The following STK17B variants were observed in gnomAD, a reference collection of about 807,000 sequenced individuals.
STK17B encodes serine/threonine-protein kinase 17B.
Under a neutral mutation model 42.0 loss-of-function variants are expected in STK17B, and 21 were observed. The ratio of observed to expected loss-of-function variants is 0.50; its 90% CI spans 0.35 to 0.72. STK17B has a LOEUF of 0.72. Ranked by LOEUF, STK17B falls within the 30% of genes least tolerant of loss-of-function variation. The pLI is 0.00. For missense variants in STK17B, 349 were observed against 446.0 expected, an observed-to-expected ratio of 0.78 and a Z score of 1.96; for synonymous variants, 143 against 148.4, an observed-to-expected ratio of 0.96 and a Z score of 0.26.
Position 196,137,736 on chromosome 2 carries a change from A to T in STK17B, c.837-7T>A. 1 of 1,597,176 alleles carries T rather than the reference A, an allele frequency of 6.3e-7. No homozygotes were observed. Among genetic ancestry groups the T allele is most frequent in the Admixed American group, 1.7e-5 (1 of 57,450 alleles). ...CTCTGCTGTTGGTCTTTTCCTTTGA[A>T]AGAAAGCACCAAGGGAAAATTGAGA... On this transcript the variant is annotated splice_region_variant and splice_polypyrimidine_tract_variant and intron_variant, in intron 7 of 7. Transcript: ENST00000263955.
chr2:196,162,414 C>CTTTTTT (rs57918319), intron 2 of STK17B, among the ~76,000 whole-genome samples: 1 of 130,926 alleles, frequency 7.6e-6, no homozygotes. Context: ...TCTTCTTCTT[C>CTTTTTT]TTTTTTTTTT....
intron 2 of STK17B, among the ~76,000 whole-genome samples, chr2:196,162,007 T>A (rs948524648): frequency 3.9e-4 from 59 of 152,192 alleles, no homozygotes; most frequent in Admixed American, 2.2e-3. Flanking sequence ...TTGCTGCACA[T>A]TTATCAACAC....
At chr2:196,141,370 A>G (rs1699491497) in intron 5 of STK17B, 73 bp from the exon 6 acceptor site, 1 of 1,264,634 alleles carries the variant, frequency 7.9e-7, no homozygotes, top group Non-Finnish European at 1.1e-6. Context: ...ATATTACGTT[A>G]TAACTGGGAC....
Position 196,156,589 on chromosome 2 carries a change from T to C in STK17B, c.185A>G (p.Lys62Arg). Residue 62 changes from lysine to arginine, a missense_variant, in exon 3 of 8, where the codon AAA becomes AGA. By Grantham distance (26) the Lys-to-Arg change is conservative. Coordinates refer to ENST00000263955, the MANE Select transcript of STK17B (RefSeq NM_004226.4). ...SKSTGQEYAA[K>R]FLKKRRRGQD... Reference sequence around the variant, plus strand: ...TCCTCTTCTTCTCTTTTTTAGAAATTTTGCAGCATATTCTTGGCCAGTAGA... The same window carrying C: ...TCCTCTTCTTCTCTTTTTTAGAAATCTTGCAGCATATTCTTGGCCAGTAGA... 1 of 1,614,052 alleles carries C rather than the reference T, an allele frequency of 6.2e-7. No individual in the cohort carries two copies. Among genetic ancestry groups the C allele is most frequent in the Non-Finnish European group, 8.5e-7 (1 of 1,179,988 alleles).
At chr2:196,155,653 A>G (rs1195760890) in intron 3 of STK17B, among the ~76,000 whole-genome samples, 1 of 152,234 alleles carries the variant, frequency 6.6e-6, no homozygotes, top group East Asian at 1.9e-4. Flanking sequence ...AAGGTATACT[A>G]AACATAAATC....
chr2:196,156,172 C>A (rs1453464930), intron 3 of STK17B: 2 of 254,910 alleles, frequency 7.8e-6, no homozygotes, highest in African/African-American at 4.4e-5. Context: ...ATCAATTAGC[C>A]ATTAAGAAAA....
chr2:196,172,817 G>A (rs1246051531), upstream of STK17B, among the ~76,000 whole-genome samples: 1 of 152,128 alleles, frequency 6.6e-6, no homozygotes, highest in African/African-American at 2.4e-5. Context: ...CTAAAGTTAG[G>A]ATGAAAATAA....
Position 196,156,466 on chromosome 2 carries a change from G to T in STK17B, c.308C>A (p.Thr103Lys). Residue 103 changes from threonine (T) to lysine (K), a missense_variant, in exon 3 of 8, where the codon ACA becomes AAA. Thr to Lys is a moderately conservative substitution (Grantham distance 78). Transcript: ENST00000263955. ...TTCCAATATCAAAATGATTTCACTT[G>T]TATTTTCATAGACCTCATGAAGATT... The part of the protein sequence containing the change: ...VINLHEVYEN[T>K]SEIILILEYA... The T allele has an allele frequency of 6.2e-7, 1 of 1,613,634 alleles. No individual in the cohort carries two copies. Among genetic ancestry groups the T allele is most frequent in the Non-Finnish European group, 8.5e-7 (1 of 1,179,808 alleles).
chr2:196,149,961 G>A (rs1699640665), intron 3 of STK17B, among the ~76,000 whole-genome samples: 1 of 152,076 alleles, frequency 6.6e-6, no homozygotes, highest in African/African-American at 2.4e-5. Context: ...GCTGACCAAT[G>A]TATTTCGTAG....
At chr2:196,147,546 T>C (rs956226378) in intron 3 of STK17B, among the ~76,000 whole-genome samples, 3 of 152,254 alleles carry the variant, frequency 2.0e-5, no homozygotes, top group African/African-American at 4.8e-5. Flanking sequence ...TAATTTGCAA[T>C]TGAGCAATCT....
intron 1 of STK17B, among the ~76,000 whole-genome samples, chr2:196,167,755 G>A (rs561376589): frequency 1.1e-4 from 17 of 152,142 alleles, no homozygotes; most frequent in Middle Eastern, 3.2e-3. Context: ...CAAAAATCAG[G>A]AGATTCAGGT....
intron 1 of STK17B, among the ~76,000 whole-genome samples, chr2:196,169,920 T>C (rs1699918485): frequency 2.0e-5 from 3 of 152,070 alleles, no homozygotes; most frequent in African/African-American, 7.2e-5. Context: ...ATGTACAATA[T>C]GTATCTCAAA....
At chr2:196,171,816 T>A (rs1204089675), upstream of STK17B, among the ~76,000 whole-genome samples, 1 of 125,324 alleles carries the variant, frequency 8.0e-6, no homozygotes, top group African/African-American at 3.1e-5. Flanking sequence ...GCACTCGGGC[T>A]GCCGCGAGGG....
chr2:196,145,802 A>T, intron 4 of STK17B, 109 bp downstream of exon 4: 1 of 1,131,328 alleles, frequency 8.8e-7, no homozygotes, highest in Non-Finnish European at 1.2e-6. Flanking sequence ...TGCAGTCTAG[A>T]AGACCAGGAA....
At position 196,137,655 on chromosome 2, in the gene STK17B, G is replaced by A. The variant is rs781385899; in HGVS notation, c.911C>T (p.Pro304Leu). ...QQWDFENLFH[P>L]EETSSSSQTQ... ...TTGAGAGGAACTGGAAGTTTCTTCA[G>A]GGTGAAACAAGTTTTCAAAGTCCCA... The change falls in exon 8 of 8, where the codon CCT becomes CTT. Residue 304 changes from proline (P) to leucine (L), a missense_variant. Around this residue, in one of 3 missense-constraint regions of STK17B, gnomAD observed 6 missense variants for 19.6 expected, o/e 0.31. Transcript: ENST00000263955. 1.3e-4 allele frequency: 204 copies of A among 1,613,946 alleles called. No homozygotes were observed. The South Asian group carries it at 1.6e-3, about 12-fold the overall frequency.
At chr2:196,143,342 C>T (rs1003155513) in intron 5 of STK17B, among the ~76,000 whole-genome samples, 1 of 152,134 alleles carries the variant, frequency 6.6e-6, no homozygotes. Flanking sequence ...TGTACACTTA[C>T]ATATTCAGTG....
At chr2:196,154,674 TTAA>T (rs1431820004) in intron 3 of STK17B, 5 of 152,222 alleles carry the variant, frequency 3.3e-5, no homozygotes, top group African/African-American at 1.2e-4. Context: ...GTGATAGTTA[TTAA>T]AGATTCCACC....
chr2:196,173,046 A>C (rs1408807349), upstream of STK17B, among the ~76,000 whole-genome samples: 1 of 152,024 alleles, frequency 6.6e-6, no homozygotes, highest in Non-Finnish European at 1.5e-5. Flanking sequence ...CATTTCATCA[A>C]TTGCCAGCTT....
intron 1 of STK17B, among the ~76,000 whole-genome samples, chr2:196,165,926 A>G (rs534469592): frequency 1.5e-4 from 23 of 152,236 alleles, no homozygotes; most frequent in Non-Finnish European, 2.8e-4. Flanking sequence ...ATCCCAACTT[A>G]GTCTAAACTT....
Sources: gnomAD v4.1 joint callset for allele counts (sites outside exome capture counted in the v4.1 genomes callset) on GRCh38, gnomAD v4.1.1 for gene constraint, gnomAD v4.1.1 regional missense constraint, MANE v1.5 for transcripts, NCBI Gene and HGNC (gene_info 2026-07-23, HGNC 2026-07-21) for gene names.